BUB1: variants seen among roughly 807,000 people sequenced by gnomAD.
The protein encoded by BUB1 is BUB1 mitotic checkpoint serine/threonine kinase.
Under a neutral mutation model 135.2 loss-of-function variants are expected in BUB1, and 84 were observed. The ratio of observed to expected loss-of-function variants is 0.62; its 90% CI spans 0.52 to 0.74. The LOEUF (loss-of-function observed/expected upper bound fraction) is 0.74. Ranked by LOEUF, BUB1 falls within the 30% of genes least tolerant of loss-of-function variation. The probability of loss-of-function intolerance (pLI) is 0.00; values close to 1 mark genes in which losing one functional copy is unlikely to be tolerated. For missense variants in BUB1, 1,162 were observed against 1,288.3 expected (o/e 0.90, Z 1.50); for synonymous variants, 403 against 434.4 (o/e 0.93, Z 0.90).
At position 110,657,108 on chromosome 2, in the gene BUB1, C is replaced by T. The variant is rs369512489; in HGVS notation, c.1626G>A (p.Gln542=). The T allele has an allele frequency of 1.9e-6, 3 of 1,610,806 alleles. No homozygotes were observed. The highest frequency in any genetic ancestry group is 2.5e-6 in the Non-Finnish European group (3 of 1,178,490). The change falls in exon 15 of 25, where the codon CAG becomes CAA. Residue 542 remains glutamine, a synonymous_variant. Transcript: ENST00000302759. ...DGNKENYGLP[Q]PKNKPTGART... ...TGGCTCCTGTGGGTTTATTTTTAGG[C>T]TGTGGTAATCTAAGGAAAGATTTGC...
chr2:110,637,902 G>A lies in BUB1; in HGVS notation c.*62C>T. The A allele has an allele frequency of 1.7e-6, 2 of 1,147,722 alleles. No homozygotes were observed. Among genetic ancestry groups the A allele is most frequent in the South Asian group, 2.6e-5 (1 of 38,598 alleles). 71.1% of individuals were successfully genotyped at this position (1,147,722 alleles called of 1,614,324 possible). A position where few individuals can be genotyped will look rare whatever the true frequency, so the allele number is the denominator to read the frequency against. ...ATAAACAATAAATGAAAAAAAAACA[G>A]GTTTAAAGTGAGCAGATTCATATTT... On this transcript the variant is annotated 3_prime_UTR_variant, in exon 25 of 25. Coordinates refer to ENST00000302759, the MANE Select transcript of BUB1 (RefSeq NM_004336.5).
In BUB1 at chr2:110,672,766, G is replaced by A. The variant is rs373955136; in HGVS notation, c.317C>T (p.Ala106Val). Residue 106 changes from alanine (A) to valine (V), a missense_variant, in exon 4 of 25, where the codon GCG becomes GTG. Transcript: ENST00000302759. ...CTCTCCTTGGGCTTCCAGATGCCCC[G>A]CCCAGGCAATGTACAGAGGGGATGA... is the stretch of plus-strand genomic sequence containing the variant. ...TLSSPLYIAWAGHLEAQGELQ... is the reference protein window; with the variant it reads ...TLSSPLYIAWVGHLEAQGELQ... The A allele has an allele frequency of 1.7e-5, 28 of 1,613,958 alleles. No individual in the cohort carries two copies. The highest frequency in any genetic ancestry group is 1.3e-4 in the East Asian group (6 of 44,892).
At chr2:110,665,318 C>T (rs1441471838) in intron 9 of BUB1, among the ~76,000 whole-genome samples, 1 of 152,112 alleles carries the variant, frequency 6.6e-6, no homozygotes, top group Non-Finnish European at 1.5e-5. Context: ...TGGCTCACAC[C>T]TGTAATCACA....
chr2:110,659,842 T>C (rs1204960749), intron 11 of BUB1, 136 bp downstream of exon 11: 1 of 534,352 alleles, frequency 1.9e-6, no homozygotes, highest in Admixed American at 3.7e-5. Context: ...ATAAATAACC[T>C]ATACTCTAAG....
In BUB1 at chr2:110,660,050, C is replaced by G. The variant is rs761210050; in HGVS notation, c.1218-14G>C. On this transcript the variant is annotated splice_polypyrimidine_tract_variant and intron_variant, in intron 10 of 24. Transcript: ENST00000302759. Reference sequence around the variant, plus strand: ...TTATTCACACATCTGGAAGAGAAAACTCTTGAGACACACTAGAGAATAAAA... The same window carrying G: ...TTATTCACACATCTGGAAGAGAAAAGTCTTGAGACACACTAGAGAATAAAA... 6.2e-7 allele frequency: 1 copy of G among 1,606,006 alleles called. No individual in the cohort carries two copies. Among genetic ancestry groups the G allele is most frequent in the South Asian group, 1.1e-5 (1 of 90,830 alleles).
chr2:110,639,328 C>T (rs1689438303), intron 24 of BUB1, among the ~76,000 whole-genome samples: 1 of 149,102 alleles, frequency 6.7e-6, no homozygotes, highest in South Asian at 2.1e-4. Context: ...GAAGCACTTT[C>T]ACATACACTA....
intron 1 of BUB1, 61 bp downstream of exon 1, chr2:110,677,909 G>T: frequency 1.3e-6 from 2 of 1,566,436 alleles, no homozygotes; most frequent in Non-Finnish European, 1.7e-6. Flanking sequence ...GGGCGGGCCG[G>T]GCCCGAACCC....
chr2:110,674,259 G>C, intron 2 of BUB1, 35 bp from the exon 3 acceptor site: 8 of 1,612,544 alleles, frequency 5.0e-6, no homozygotes, highest in South Asian at 1.1e-5. Context: ...TTTTCCATGG[G>C]GCAGTGTATA....
At chr2:110,653,381 CAATGTTAG>C in intron 17 of BUB1, 47 bp downstream of exon 17, 1 of 1,545,576 alleles carries the variant, frequency 6.5e-7, no homozygotes, top group Non-Finnish European at 8.9e-7. Context: ...AAATGGTAAA[CAATGTTAG>C]AATGAAAATG....
intron 4 of BUB1, 123 bp from the exon 5 acceptor site, chr2:110,670,691 A>C (rs1690397538): frequency 1.1e-6 from 1 of 919,030 alleles, no homozygotes; most frequent in African/African-American, 1.7e-5. Flanking sequence ...TCAAGAGAGA[A>C]TGTACAGTTG....
chr2:110,668,555 G>A (rs1029003051), intron 6 of BUB1, among the ~76,000 whole-genome samples: 1 of 152,198 alleles, frequency 6.6e-6, no homozygotes, highest in African/African-American at 2.4e-5. Context: ...CTTCAAGGAG[G>A]TCCTTGATGA....
At chr2:110,673,387 T>A (rs1028459490) in intron 3 of BUB1, among the ~76,000 whole-genome samples, 3 of 152,118 alleles carry the variant, frequency 2.0e-5, no homozygotes, top group African/African-American at 7.2e-5. Context: ...GAACTCTGCT[T>A]TGTAGCCAGT....
At chr2:110,671,271 C>G (rs1183480082) in intron 4 of BUB1, among the ~76,000 whole-genome samples, 1 of 152,088 alleles carries the variant, frequency 6.6e-6, no homozygotes, top group Non-Finnish European at 1.5e-5. Context: ...GAATAAGGCT[C>G]TGTAAGAAAT....
intron 9 of BUB1, chr2:110,666,035 T>C (rs1574331537): frequency 2.6e-6 from 1 of 383,210 alleles, no homozygotes. Context: ...CATGAATATA[T>C]AGACATGTAC....
At chr2:110,644,473 C>T (rs1205076241) in intron 19 of BUB1, among the ~76,000 whole-genome samples, 2 of 132,260 alleles carry the variant, frequency 1.5e-5, no homozygotes, top group African/African-American at 3.1e-5. Context: ...AGCAAAACCC[C>T]GTCTCAAAAA....
At position 110,650,548 on chromosome 2, in the gene BUB1, G is replaced by A. The variant is rs1214797482; in HGVS notation, c.2201C>T (p.Pro734Leu). ...QMSSLGTVDA[P>L]NFIVGNPWDD... ...TAACAAAGAGTGAGTGTTCGTACTT[G>A]GAGCATCAACAGTCCCAAGTGAACT... Residue 734 changes from proline (P) to leucine (L), a missense_variant and splice_region_variant, in exon 18 of 25, where the codon CCA (proline) becomes CTA (leucine). Transcript: ENST00000302759. The A allele has an allele frequency of 6.2e-7, 1 of 1,612,588 alleles. No homozygotes were observed. Among genetic ancestry groups the A allele is most frequent in the African/African-American group, 1.3e-5 (1 of 74,850 alleles).
intron 24 of BUB1, 95 bp downstream of exon 24, chr2:110,639,647 G>T: frequency 9.9e-7 from 1 of 1,011,844 alleles, no homozygotes; most frequent in East Asian, 2.4e-5. Context: ...ATTTCCATGC[G>T]GTGGCAGAGA....
intron 18 of BUB1, 62 bp downstream of exon 18, chr2:110,650,484 G>A (rs1045594666): frequency 6.6e-7 from 1 of 1,516,232 alleles, no homozygotes; most frequent in Non-Finnish European, 9.1e-7. Context: ...TTCTTTCATG[G>A]GACAGCTTTC....
chr2:110,672,808 T>C lies in BUB1; in HGVS notation c.275A>G (p.His92Arg). 3 of 1,612,870 alleles carry C rather than the reference T, an allele frequency of 1.9e-6. No homozygotes were observed. The highest frequency in any genetic ancestry group is 2.2e-5 in the East Asian group (1 of 44,848). ...AGGGGATGACAGGGTTCCAATCCCA[T>C]GGTTGTACAGAAACTCAAAAAATTG... ...LHQFFEFLYN[H>R]GIGTLSSPLY... Residue 92 changes from histidine to arginine, a missense_variant, in exon 4 of 25, where the codon CAT becomes CGT. His to Arg is a conservative substitution (Grantham distance 29, BLOSUM62 0). Transcript: ENST00000302759.
Sources: gnomAD v4.1 joint callset for allele counts (sites outside exome capture counted in the v4.1 genomes callset) on GRCh38, gnomAD v4.1.1 for gene constraint, MANE v1.5 for transcripts, NCBI Gene and HGNC (gene_info 2026-07-23, HGNC 2026-07-21) for gene names.